Variants in RGS7 observed in about 807,000 individuals in gnomAD.
RGS7 encodes regulator of G protein signaling 7, also known as regulator of G-protein signaling 7.
RGS7 carries 27 observed loss-of-function variants against 81.1 expected under a neutral mutation model. The ratio of observed to expected loss-of-function variants is 0.33; its 90% confidence interval spans 0.25 to 0.46. RGS7 has a LOEUF of 0.46. Ranked by LOEUF, RGS7 falls within the 20% of genes least tolerant of loss-of-function variation. The pLI is 1.00. For missense variants in RGS7, 396 were observed against 607.4 expected (o/e 0.65, Z 3.66); for synonymous variants, 208 against 207.7 (o/e 1.00, Z -0.01).
intron 2 of RGS7, among the ~76,000 whole-genome samples, chr1:241,139,295 TTTCCTTCC>T (rs140713971): frequency 0.026 from 3,946 of 150,240 alleles, 163 homozygotes; most frequent in African/African-American, 0.091. Flanking sequence ...TCCTTCCTTC[TTTCCTTCC>T]TTCCTTCCTT....
intron 3 of RGS7, among the ~76,000 whole-genome samples, chr1:241,066,108 A>G (rs1418002918): frequency 1.3e-5 from 2 of 152,198 alleles, no homozygotes; most frequent in African/African-American, 2.4e-5. Context: ...TGAAATTCTT[A>G]TTCATCTCAT....
At chr1:241,089,063 C>CTCTCTCTATATATA (rs1374552672) in intron 3 of RGS7, among the ~76,000 whole-genome samples, 4 of 23,686 alleles carry the variant, frequency 1.7e-4, no homozygotes, top group Admixed American at 4.9e-4. Flanking sequence ...CTCTCTCTCT[C>CTCTCTCTATATATA]TATATATATA....
intron 2 of RGS7, among the ~76,000 whole-genome samples, chr1:241,313,251 A>G (rs1053177378): frequency 1.9e-4 from 29 of 152,258 alleles, no homozygotes; most frequent in African/African-American, 6.5e-4. Flanking sequence ...TACACTAAAT[A>G]ATAGATTTTC....
At chr1:241,249,622 A>G (rs781641916) in intron 2 of RGS7, among the ~76,000 whole-genome samples, 2 of 152,188 alleles carry the variant, frequency 1.3e-5, no homozygotes, top group African/African-American at 4.8e-5. Flanking sequence ...TGAGATTTCA[A>G]TTGAGATTGC....
At chr1:240,827,312 A>C (rs1572284586) in intron 9 of RGS7, 140 bp from the exon 10 acceptor site, 1 of 726,504 alleles carries the variant, frequency 1.4e-6, no homozygotes. Flanking sequence ...CTAGATGGCC[A>C]CAGCCAGTCC....
At chr1:241,133,959 G>A (rs2067302975) in intron 2 of RGS7, among the ~76,000 whole-genome samples, 1 of 152,112 alleles carries the variant, frequency 6.6e-6, no homozygotes, top group Non-Finnish European at 1.5e-5. Context: ...AGAGAGAAAG[G>A]GAGACAGAGA....
At chr1:241,350,013 T>G (rs768690703) in intron 2 of RGS7, among the ~76,000 whole-genome samples, 43 of 152,174 alleles carry the variant, frequency 2.8e-4, no homozygotes, top group Non-Finnish European at 2.9e-4. Context: ...TCTGATCAAT[T>G]AGATTCAGGG....
chr1:241,044,731 C>T (rs187020937), intron 3 of RGS7, among the ~76,000 whole-genome samples: 81 of 152,172 alleles, frequency 5.3e-4, no homozygotes, highest in African/African-American at 1.9e-3. Context: ...CCACACCTGA[C>T]TTGTTTCTGT....
rs185776392 is a variant in RGS7, at chr1:240,864,464, G to T, written c.609+4123C>A. On this transcript the variant is annotated intron_variant, in intron 9 of 18. Coordinates refer to ENST00000440928, the MANE Select transcript of RGS7 (RefSeq NM_001364886.1). The stretch of plus-strand genomic sequence containing the variant: ...CCAAACAGTTCAAAAAGTTTCATAG[G>T]TGGGTAAAGGAACCATCCCTTTGAA... Among the ~76,000 whole-genome samples the T allele has an allele frequency of 5.0e-4, 76 of 152,270 alleles. 1 individual carries two copies. In the East Asian group the frequency reaches 0.011, roughly 22 times the overall value.
chr1:241,089,092 T>TATATATATATATAC lies in RGS7; in HGVS notation c.175+9573_175+9574insGTATATATATATAT, dbSNP rs1335136344. Among the ~76,000 whole-genome samples the TATATATATATATAC allele has an allele frequency of 3.0e-3, 305 of 100,044 alleles. 11 individuals are homozygous for TATATATATATATAC. Among genetic ancestry groups the TATATATATATATAC allele is most frequent in the Middle Eastern group, 8.9e-3 (2 of 224 alleles). 65.6% of individuals were successfully genotyped at this position (100,044 alleles called of 152,430 possible). On this transcript the variant is annotated intron_variant, in intron 3 of 18. Transcript: ENST00000440928. ...ATATATATATATATATATATATATA[T>TATATATATATATAC]ATATACTGGCTTAGACCTAAGGTGA...
In RGS7 at chr1:240,811,796, A is replaced by C. The variant is rs1276256659; in HGVS notation, c.1082+122T>G. ...TCCCTTCATTAGGTGGCAGAAATTC[A>C]ATGGGTTCATGACATCATTATGATG... On this transcript the variant is annotated intron_variant, in intron 14 of 18. Coordinates refer to ENST00000440928, the MANE Select transcript of RGS7 (RefSeq NM_001364886.1). 16 of 927,884 alleles carry C rather than the reference A, an allele frequency of 1.7e-5. No homozygotes were observed. The Admixed American group carries it at 2.9e-4, about 17-fold the overall frequency. 57.5% of individuals were successfully genotyped at this position (927,884 alleles called of 1,614,324 possible).
In RGS7 at chr1:240,806,174, T is replaced by G; in HGVS notation, c.1235A>C (p.Lys412Thr). 1 of 1,614,072 alleles carries G rather than the reference T, an allele frequency of 6.2e-7. No homozygotes were observed. Among genetic ancestry groups the G allele is most frequent in the Non-Finnish European group, 8.5e-7 (1 of 1,179,944 alleles). Residue 412 changes from lysine to threonine, a missense_variant, in exon 15 of 19, where the codon AAG becomes ACG. By Grantham distance (78) the Lys-to-Thr change is moderately conservative (BLOSUM62 -1). Transcript: ENST00000440928. ...TTCAAATGTGTATCGTCCAGGTTCCTTCACGTTCTGTGTGGTTTTGTCATA... is the reference window on the plus strand; with the variant it reads ...TTCAAATGTGTATCGTCCAGGTTCCGTCACGTTCTGTGTGGTTTTGTCATA... ...KSYDKTTQNV[K>T]EPGRYTFEDA...
At chr1:240,877,732 TG>T (rs1056754542) in intron 6 of RGS7, among the ~76,000 whole-genome samples, 1 of 152,230 alleles carries the variant, frequency 6.6e-6, no homozygotes, top group African/African-American at 2.4e-5. Flanking sequence ...TGTATATATA[TG>T]TGTCTTTATG....
chr1:241,325,212 T>C (rs1279260655), intron 2 of RGS7, among the ~76,000 whole-genome samples: 3 of 152,222 alleles, frequency 2.0e-5, no homozygotes, highest in African/African-American at 7.2e-5. Context: ...GGTGAAAAAC[T>C]TTCCTAATAA....
chr1:241,343,103 A>T (rs1338541280), intron 2 of RGS7, among the ~76,000 whole-genome samples: 3 of 152,118 alleles, frequency 2.0e-5, no homozygotes, highest in Non-Finnish European at 4.4e-5. Flanking sequence ...TCTACTAAAA[A>T]TACAAAAAAT....
intron 2 of RGS7, among the ~76,000 whole-genome samples, chr1:241,269,585 G>A (rs2077764004): frequency 6.6e-6 from 1 of 152,176 alleles, no homozygotes; most frequent in Admixed American, 6.5e-5. Flanking sequence ...GTAAGATTTA[G>A]AAAGCAGGGA....
intron 3 of RGS7, among the ~76,000 whole-genome samples, chr1:241,029,962 C>T (rs975820413): frequency 2.6e-5 from 4 of 152,192 alleles, no homozygotes; most frequent in Admixed American, 6.5e-5. Context: ...CAGGCACCTC[C>T]ATTACACCAA....
At chr1:241,033,188 T>TA (rs2060165236) in intron 3 of RGS7, among the ~76,000 whole-genome samples, 1 of 152,070 alleles carries the variant, frequency 6.6e-6, no homozygotes. Flanking sequence ...CCATCTCTAC[T>TA]AAAAATACAA....
intron 3 of RGS7, among the ~76,000 whole-genome samples, chr1:240,999,968 C>T (rs550190471): frequency 4.6e-5 from 7 of 152,230 alleles, no homozygotes; most frequent in African/African-American, 1.2e-4. Context: ...TCTGGGTTGT[C>T]GTTGGCTTTT....
Sources: gnomAD v4.1 joint callset for allele counts (sites outside exome capture counted in the v4.1 genomes callset) on GRCh38, gnomAD v4.1.1 for gene constraint, MANE v1.5 for transcripts, NCBI Gene and HGNC (gene_info 2026-07-23, HGNC 2026-07-21) for gene names.